Variants in L3MBTL4 observed in about 807,000 individuals in gnomAD.
L3MBTL4 encodes the protein lethal(3)malignant brain tumor-like protein 4.
A neutral mutation model predicts 84.5 loss-of-function variants in L3MBTL4; 70 were observed. The ratio of observed to expected loss-of-function variants is 0.83; its 90% confidence interval spans 0.68 to 1.01. L3MBTL4 has a LOEUF of 1.01. Among genes scored for constraint, L3MBTL4 ranks in the 50% least tolerant of loss-of-function variants. The pLI is 0.00. For missense variants in L3MBTL4, 715 were observed against 754.8 expected (o/e 0.95, Z 0.62); for synonymous variants, 274 against 259.8 (o/e 1.05, Z -0.52).
intron 16 of L3MBTL4, among the ~76,000 whole-genome samples, chr18:6,027,737 C>A (rs142600508): frequency 3.9e-4 from 60 of 152,168 alleles, no homozygotes; most frequent in African/African-American, 1.2e-3. Flanking sequence ...TTCTAACTGG[C>A]GTGAGATGGT....
intron 12 of L3MBTL4, among the ~76,000 whole-genome samples, chr18:6,211,286 G>T (rs1007309459): frequency 6.6e-6 from 1 of 152,170 alleles, no homozygotes; most frequent in Non-Finnish European, 1.5e-5. Flanking sequence ...CAGTCAGAGT[G>T]CCAAGGTACA....
intron 1 of L3MBTL4, among the ~76,000 whole-genome samples, chr18:6,339,082 A>G (rs186297157): frequency 4.1e-4 from 63 of 152,338 alleles, no homozygotes; most frequent in Admixed American, 3.6e-3. Context: ...TCAATAGCTT[A>G]TAAAACAACC....
intron 16 of L3MBTL4, among the ~76,000 whole-genome samples, chr18:6,051,103 A>G (rs972037729): frequency 2.0e-5 from 3 of 152,168 alleles, no homozygotes; most frequent in Non-Finnish European, 4.4e-5. Flanking sequence ...CTGTGTCTTT[A>G]GTGTATGCTA....
chr18:6,106,731 C>T (rs7229874), intron 14 of L3MBTL4, among the ~76,000 whole-genome samples: 1 of 152,054 alleles, frequency 6.6e-6, no homozygotes, highest in Non-Finnish European at 1.5e-5. Flanking sequence ...CTGCACCTAC[C>T]CAGTCAAATA....
At chr18:6,323,905 A>G (rs1365253603) in intron 1 of L3MBTL4, among the ~76,000 whole-genome samples, 2 of 151,524 alleles carry the variant, frequency 1.3e-5, no homozygotes, top group East Asian at 1.9e-4. Context: ...CATTTCAGAG[A>G]CATTCCTGGC....
At chr18:6,063,696 G>A (rs2057311521) in intron 16 of L3MBTL4, among the ~76,000 whole-genome samples, 3 of 151,678 alleles carry the variant, frequency 2.0e-5, no homozygotes, top group Admixed American at 2.0e-4. Context: ...ACTTTTTGAT[G>A]AGATTATTAT....
At chr18:5,972,536 G>A (rs1174965534) in intron 16 of L3MBTL4, among the ~76,000 whole-genome samples, 1 of 152,296 alleles carries the variant, frequency 6.6e-6, no homozygotes, top group Non-Finnish European at 1.5e-5. Flanking sequence ...ACCTCTTGAG[G>A]TCAGGATTGA....
At chr18:6,137,635 A>G (rs374982678) in intron 14 of L3MBTL4, among the ~76,000 whole-genome samples, 8 of 152,318 alleles carry the variant, frequency 5.3e-5, no homozygotes, top group African/African-American at 1.9e-4. Context: ...TTATTTACCA[A>G]TTGATGAGGA....
chr18:6,369,899 C>T (rs2144161705), intron 1 of L3MBTL4, among the ~76,000 whole-genome samples: 1 of 152,102 alleles, frequency 6.6e-6, no homozygotes, highest in African/African-American at 2.4e-5. Context: ...TTTGGGAGGC[C>T]GAGGCAGGTG....
intron 1 of L3MBTL4, among the ~76,000 whole-genome samples, chr18:6,314,933 C>A (rs2051019153): frequency 6.6e-6 from 1 of 152,172 alleles, no homozygotes; most frequent in Non-Finnish European, 1.5e-5. Context: ...CCTGGATAAC[C>A]CAAGGTACGT....
chr18:6,111,545 G>A (rs1459422740), intron 14 of L3MBTL4, among the ~76,000 whole-genome samples: 1 of 152,130 alleles, frequency 6.6e-6, no homozygotes, highest in Non-Finnish European at 1.5e-5. Flanking sequence ...TGTCACTAGA[G>A]ATGGAGAATC....
chr18:5,985,627 A>G (rs2053431729), intron 16 of L3MBTL4, among the ~76,000 whole-genome samples: 1 of 152,182 alleles, frequency 6.6e-6, no homozygotes, highest in South Asian at 2.1e-4. Context: ...AGGATGTTTA[A>G]GTTATAAAGG....
At position 6,227,498 on chromosome 18, in the gene L3MBTL4, A is replaced by T. The variant is rs113904610; in HGVS notation, c.784+10466T>A. Among the ~76,000 whole-genome samples the T allele has an allele frequency of 2.3e-3, 355 of 152,316 alleles. 6 individuals carry two copies. Among genetic ancestry groups the T allele is most frequent in the Non-Finnish European group, 1.4e-3 (93 of 68,034 alleles). ...TAGCTAAAACCTTCCCAGAAACAAAACCTCAAGCCCAGATGGCTTCACTTA... is the reference window on the plus strand; with the variant it reads ...TAGCTAAAACCTTCCCAGAAACAAATCCTCAAGCCCAGATGGCTTCACTTA... On this transcript the variant is annotated intron_variant, in intron 10 of 18. Transcript: ENST00000317931.
At chr18:6,296,169 A>G (rs971880276) in intron 4 of L3MBTL4, among the ~76,000 whole-genome samples, 1 of 152,232 alleles carries the variant, frequency 6.6e-6, no homozygotes, top group African/African-American at 2.4e-5. Context: ...AAAAGACTCC[A>G]GGATACTATT....
At chr18:6,309,861 G>A (rs1409195599) in intron 3 of L3MBTL4, among the ~76,000 whole-genome samples, 3 of 152,168 alleles carry the variant, frequency 2.0e-5, no homozygotes, top group East Asian at 1.9e-4. Context: ...GGTCTCAAAT[G>A]TTAAACAAAA....
intron 1 of L3MBTL4, among the ~76,000 whole-genome samples, chr18:6,363,858 A>G (rs1162668591): frequency 2.6e-5 from 4 of 152,094 alleles, no homozygotes; most frequent in African/African-American, 4.8e-5. Flanking sequence ...TAATTCACAT[A>G]ACCACTAACA....
chr18:6,340,552 T>A (rs567858944), intron 1 of L3MBTL4, among the ~76,000 whole-genome samples: 1 of 152,216 alleles, frequency 6.6e-6, no homozygotes, highest in East Asian at 1.9e-4. Context: ...TACAATAGCA[T>A]CATCTGGGGA....
chr18:6,071,781 GAA>G (rs2057647120), intron 16 of L3MBTL4, among the ~76,000 whole-genome samples: 1 of 117,344 alleles, frequency 8.5e-6, no homozygotes, highest in African/African-American at 3.1e-5. Flanking sequence ...AAGAAAGAAA[GAA>G]AGAAAGAAAG....
rs1438505759 is a variant in L3MBTL4, at chr18:6,106,614, GAAGA to G, written c.1200-13090_1200-13087del. 2.6e-5 allele frequency among the ~76,000 whole-genome samples: 4 copies of G among 152,300 alleles called. No individual in the cohort carries two copies. The East Asian group carries it at 7.7e-4, about 29-fold the overall frequency. On this transcript the variant is annotated intron_variant, in intron 14 of 18. Transcript: ENST00000317931. ...CCCTGAGAAAAGAGAAGAAAATAGA[GAAGA>G]GAGAGCCTTGACTTTCTGCCAGAAA...
Sources: gnomAD v4.1 joint callset for allele counts (sites outside exome capture counted in the v4.1 genomes callset) on GRCh38, gnomAD v4.1.1 for gene constraint, MANE v1.5 for transcripts, NCBI Gene and HGNC (gene_info 2026-07-23, HGNC 2026-07-21) for gene names.